The following KLRG1 variants were observed in gnomAD, a reference collection of about 807,000 sequenced individuals.
The protein encoded by KLRG1 is killer cell lectin like receptor G1.
A neutral mutation model predicts 21.8 loss-of-function variants in KLRG1; 16 were observed. The observed-to-expected ratio is 0.73, with a 90% CI of 0.50 to 1.11. The LOEUF is 1.11. Ranked by LOEUF, KLRG1 falls within the 50% of genes most tolerant of loss-of-function variation. The probability of loss-of-function intolerance (pLI) is 0.00; values close to 1 mark genes in which losing one functional copy is unlikely to be tolerated. For missense variants in KLRG1, 173 were observed against 218.3 expected, an observed-to-expected ratio of 0.79 and a Z score of 1.31; for synonymous variants, 69 against 75.9, an observed-to-expected ratio of 0.91 and a Z score of 0.47.
chr12:9,010,215 A>G lies in KLRG1; in HGVS notation c.*678A>G. 1.9e-6 allele frequency: 1 copy of G among 526,846 alleles called. No individual in the cohort carries two copies. The highest frequency in any genetic ancestry group is 3.4e-6 in the Non-Finnish European group (1 of 297,620). The allele number at this position is 526,846 out of a possible 1,614,324, so 32.6% of individuals were successfully genotyped here. A position where few individuals can be genotyped will look rare whatever the true frequency, so the allele number is the denominator to read the frequency against. The stretch of plus-strand genomic sequence containing the variant: ...AAAAAAAAAAAATGCTAATGTGAGA[A>G]TATAAATTGTGGGAAATGAGTGAGG... On this transcript the variant is annotated 3_prime_UTR_variant, in exon 5 of 5. Transcript: ENST00000356986.
the KLRG1 span, among the ~76,000 whole-genome samples, chr12:9,171,678 A>G: frequency 8.5e-5 from 13 of 152,242 alleles, no homozygotes; most frequent in African/African-American, 2.9e-4. Context: ...CCGCATCTCA[A>G]GAACTTCACA....
chr12:8,974,142 GTTT>G (rs1437546922), intron 1 of KLRG1, among the ~76,000 whole-genome samples: 3 of 149,500 alleles, frequency 2.0e-5, no homozygotes, highest in Non-Finnish European at 4.4e-5. Context: ...AAAACTCTCA[GTTT>G]TTTGTTTTTT....
chr12:9,047,914 A>G, the KLRG1 span, among the ~76,000 whole-genome samples: 1 of 152,202 alleles, frequency 6.6e-6, no homozygotes, highest in African/African-American at 2.4e-5. Context: ...CAAGTCCACT[A>G]TTATAGTTGG....
intron 1 of KLRG1, among the ~76,000 whole-genome samples, chr12:8,978,157 A>G (rs760110607): frequency 1.2e-4 from 19 of 152,276 alleles, no homozygotes; most frequent in African/African-American, 4.3e-4. Context: ...GTGTTTGTCT[A>G]TATACCTTCA....
chr12:8,995,070 A>T (rs747969521), intron 2 of KLRG1, 49 bp from the exon 3 acceptor site: 1 of 1,490,482 alleles, frequency 6.7e-7, no homozygotes, highest in Non-Finnish European at 9.0e-7. Context: ...TTTCATTTCC[A>T]AGACTGAGTG....
At chr12:9,029,027 C>A in the KLRG1 span, 1 of 578,434 alleles carries the variant, frequency 1.7e-6, no homozygotes, top group African/African-American at 1.9e-5. Context: ...TTTCAAAGCT[C>A]AACCATCCAA....
chr12:9,107,453 A>G, the KLRG1 span: 2 of 1,567,568 alleles, frequency 1.3e-6, no homozygotes, highest in South Asian at 2.3e-5. Flanking sequence ...GCGTCAGAAA[A>G]ATGCTGCAAC....
intron 1 of KLRG1, among the ~76,000 whole-genome samples, chr12:8,967,928 A>AAGAAAAGAAGGAAGGAAGGG (rs1323254120): frequency 3.4e-4 from 51 of 151,930 alleles, no homozygotes; most frequent in Non-Finnish European, 6.9e-4. Flanking sequence ...TCATAACAGA[A>AAGAAAAGAAGGAAGGAAGGG]AGAAAAGAAG....
the KLRG1 span, among the ~76,000 whole-genome samples, chr12:9,183,070 G>C: frequency 3.3e-5 from 5 of 152,018 alleles, no homozygotes; most frequent in African/African-American, 1.2e-4. Flanking sequence ...TGTAGGACAA[G>C]GACAATTAGA....
chr12:9,005,288 C>T (rs1947439090), intron 3 of KLRG1, among the ~76,000 whole-genome samples: 2 of 152,062 alleles, frequency 1.3e-5, no homozygotes, highest in South Asian at 4.2e-4. Flanking sequence ...TCCACCATGG[C>T]ACGTGTATAC....
At chr12:9,098,866 C>T in the KLRG1 span, 8,453 of 1,247,804 alleles carry the variant, frequency 6.8e-3, 54 homozygotes, top group Non-Finnish European at 8.0e-3. Flanking sequence ...CTCTGCTTGA[C>T]TTCGTGGAGG....
the KLRG1 span, chr12:9,079,852 G>A: frequency 1.3e-6 from 2 of 1,497,472 alleles, no homozygotes; most frequent in Non-Finnish European, 1.8e-6. Flanking sequence ...ATAAAGCTTG[G>A]AGATTATCAT....
intron 1 of KLRG1, among the ~76,000 whole-genome samples, chr12:8,982,702 A>G (rs529595236): frequency 1.3e-5 from 2 of 148,840 alleles, no homozygotes; most frequent in Admixed American, 1.3e-4. Flanking sequence ...CTGGAGTGCA[A>G]TGGTGCGATC....
At chr12:9,099,543 A>G in the KLRG1 span, 1 of 1,599,776 alleles carries the variant, frequency 6.3e-7, no homozygotes, top group Non-Finnish European at 8.5e-7. Flanking sequence ...AAAGAGAATG[A>G]GAGGAAGCCA....
chr12:9,052,087 A>G, the KLRG1 span, among the ~76,000 whole-genome samples: 3,384 of 152,310 alleles, frequency 0.022, 117 homozygotes, highest in African/African-American at 0.076. Context: ...TGTGCCTTAT[A>G]TAAGAGCGTC....
chr12:9,005,157 G>A (rs1947431260), intron 3 of KLRG1, among the ~76,000 whole-genome samples: 1 of 150,200 alleles, frequency 6.7e-6, no homozygotes, highest in Non-Finnish European at 1.5e-5. Context: ...TGAACAATGA[G>A]AACACATGGA....
chr12:8,957,490 G>A (rs1946314179), intron 1 of KLRG1, among the ~76,000 whole-genome samples: 1 of 151,794 alleles, frequency 6.6e-6, no homozygotes, highest in Non-Finnish European at 1.5e-5. Flanking sequence ...TAGCAACCTC[G>A]GAATACTTGT....
the KLRG1 span, among the ~76,000 whole-genome samples, chr12:9,075,283 G>A: frequency 6.6e-6 from 1 of 152,174 alleles, no homozygotes; most frequent in Admixed American, 6.5e-5. Flanking sequence ...ATACACTGCT[G>A]TGGGAAGCCA....
chr12:9,202,633 T>C, the KLRG1 span: 1 of 1,613,986 alleles, frequency 6.2e-7, no homozygotes, highest in Non-Finnish European at 8.5e-7. Context: ...GTAGGCCCCT[T>C]TATCTGGATG....
Sources: allele counts gnomAD v4.1 joint callset (sites outside exome capture counted in the v4.1 genomes callset), GRCh38; gene constraint gnomAD v4.1.1; transcripts MANE v1.5; gene names NCBI Gene and HGNC (gene_info 2026-07-23, HGNC 2026-07-21).